Variants in PPP1R21 observed in about 807,000 individuals in gnomAD.
The protein encoded by PPP1R21 is protein phosphatase 1 regulatory subunit 21.
A neutral mutation model predicts 112.8 loss-of-function variants in PPP1R21; 85 were observed. That is an observed-to-expected ratio of 0.75 (90% CI 0.63 to 0.90). The LOEUF is 0.90. PPP1R21 is among the 40% of genes least tolerant of loss of function. The pLI, the probability that PPP1R21 is intolerant of heterozygous loss-of-function variation, is 0.00. For synonymous variants in PPP1R21, 381 were observed against 322.3 expected (o/e 1.18, Z -1.95); for missense variants, 1,199 against 901.5 (o/e 1.33, Z -4.23).
rs771311471 is a variant in PPP1R21, at chr2:48,495,790, T to C, written c.1692+19T>C. On this transcript the variant is annotated intron_variant, in intron 16 of 21. Coordinates refer to ENST00000294952, the MANE Select transcript of PPP1R21 (RefSeq NM_001135629.3). ...ACAGCAAGTATGGCACTGGGAAAAT[T>C]ATGGAAATTGTTAAAGAACAGAAAT... The C allele has an allele frequency of 1.4e-6, 2 of 1,392,748 alleles. No homozygotes were observed. Among genetic ancestry groups the C allele is most frequent in the African/African-American group, 2.8e-5 (2 of 70,634 alleles). 86.3% of individuals were successfully genotyped at this position (1,392,748 alleles called of 1,614,324 possible).
rs1035668651 is a variant in PPP1R21 at position 48,514,907 on chromosome 2, A to G, written c.*163A>G. The G allele has an allele frequency of 4.6e-5, 29 of 626,778 alleles. No homozygotes were observed. The highest frequency in any genetic ancestry group is 6.9e-5 in the Non-Finnish European group (25 of 362,704). 38.8% of individuals were successfully genotyped at this position (626,778 alleles called of 1,614,324 possible). Reference sequence around the variant, plus strand: ...GAAACGGCCTTGAAATATTTAAAACATATTTGTAACCAGTGAGGCAAATAC... The same window carrying G: ...GAAACGGCCTTGAAATATTTAAAACGTATTTGTAACCAGTGAGGCAAATAC... On this transcript the variant is annotated 3_prime_UTR_variant, in exon 22 of 22. Transcript: ENST00000294952.
chr2:48,496,654 G>C (rs1669854531), intron 16 of PPP1R21, among the ~76,000 whole-genome samples: 1 of 152,066 alleles, frequency 6.6e-6, no homozygotes, highest in Non-Finnish European at 1.5e-5. Flanking sequence ...TTTTAGTATA[G>C]ACAGGGTTTC....
Position 48,515,117 on chromosome 2 carries a change from T to C in PPP1R21, c.*373T>C, listed in dbSNP as rs189179566. On this transcript the variant is annotated 3_prime_UTR_variant, in exon 22 of 22. Transcript: ENST00000294952. The stretch of plus-strand genomic sequence containing the variant: ...CGATTTGGTATCTATGGAATAGATA[T>C]ATGTTTCTGGAAAAAAATGCTTAAA... The C allele has an allele frequency of 4.4e-5, 8 of 183,396 alleles. No individual in the cohort carries two copies. In the East Asian group the frequency reaches 5.6e-4, roughly 13 times the overall value. 11.4% of individuals were successfully genotyped at this position (183,396 alleles called of 1,614,324 possible). A position where few individuals can be genotyped will look rare whatever the true frequency, so the allele number is the denominator to read the frequency against.
chr2:48,478,397 A>G (rs1668851309), intron 12 of PPP1R21, among the ~76,000 whole-genome samples: 1 of 152,106 alleles, frequency 6.6e-6, no homozygotes, highest in Non-Finnish European at 1.5e-5. Flanking sequence ...TTAGCATGTA[A>G]GTTTTGTGCC....
chr2:48,464,907 GAC>G, intron 7 of PPP1R21, 28 bp from the exon 8 acceptor site: 1 of 1,535,054 alleles, frequency 6.5e-7, no homozygotes, highest in Non-Finnish European at 8.8e-7. Context: ...TGAAATGAGA[GAC>G]TTAATGTACA....
Position 48,493,761 on chromosome 2 carries a change from A to G in PPP1R21, c.1600-1918A>G, listed in dbSNP as rs566922922. Among the ~76,000 whole-genome samples, 44 of 152,216 alleles carry G rather than the reference A, an allele frequency of 2.9e-4. No individual in the cohort carries two copies. In the South Asian group the frequency reaches 4.6e-3, roughly 16 times the overall value. On this transcript the variant is annotated intron_variant, in intron 15 of 21. Transcript: ENST00000294952. Reference sequence around the variant, plus strand: ...TTTTCTCCATTCAGTTAGAAATGCAATATTTGCCACATAATAAATTTTTAT... The same window carrying G: ...TTTTCTCCATTCAGTTAGAAATGCAGTATTTGCCACATAATAAATTTTTAT...
chr2:48,503,814 G>C (rs376509809), intron 17 of PPP1R21, among the ~76,000 whole-genome samples: 1 of 151,816 alleles, frequency 6.6e-6, no homozygotes, highest in East Asian at 1.9e-4. Flanking sequence ...TTAGCTGGGC[G>C]TGGTGGTGGG....
At chr2:48,504,269 A>G (rs1670269163) in intron 17 of PPP1R21, among the ~76,000 whole-genome samples, 2 of 152,232 alleles carry the variant, frequency 1.3e-5, no homozygotes, top group Admixed American at 1.3e-4. Context: ...GGTGGGCATA[A>G]CATTCATTAG....
chr2:48,468,269 A>G (rs1031371151), intron 9 of PPP1R21, among the ~76,000 whole-genome samples: 1 of 152,248 alleles, frequency 6.6e-6, no homozygotes, highest in South Asian at 2.1e-4. Flanking sequence ...CTAGCACCCA[A>G]TAAAGATTAG....
chr2:48,505,613 A>G lies in PPP1R21; in HGVS notation c.1968+17A>G. 4 of 1,543,088 alleles carry G rather than the reference A, an allele frequency of 2.6e-6. No individual in the cohort carries two copies. Among genetic ancestry groups the G allele is most frequent in the South Asian group, 1.2e-5 (1 of 83,852 alleles). On this transcript the variant is annotated intron_variant, in intron 18 of 21. Transcript: ENST00000294952. ...GACAGTGAGGTAACATGTGCTTGTC[A>G]TCATGTTGTTTGTTAGTAAATATCT...
intron 14 of PPP1R21, among the ~76,000 whole-genome samples, chr2:48,487,754 C>T (rs1380002242): frequency 1.4e-5 from 2 of 145,082 alleles, no homozygotes; most frequent in African/African-American, 2.6e-5. Context: ...GAGCAAGACC[C>T]TATCTCAAAA....
In PPP1R21 at chr2:48,441,030, A is replaced by G. The variant is rs1253540052; in HGVS notation, c.57+20A>G. ...TCGAAGGTACCCATCGTGGTCTGGG[A>G]GTAGGGGGTCCCCCGCCCTGCGGCC... On this transcript the variant is annotated intron_variant, in intron 1 of 21. Coordinates refer to ENST00000294952, the MANE Select transcript of PPP1R21 (RefSeq NM_001135629.3). 7 of 1,572,828 alleles carry G rather than the reference A, an allele frequency of 4.5e-6. No homozygotes were observed. Among genetic ancestry groups the G allele is most frequent in the Non-Finnish European group, 6.1e-6 (7 of 1,144,444 alleles).
chr2:48,476,747 T>C (rs973153568), intron 12 of PPP1R21, among the ~76,000 whole-genome samples: 1 of 152,230 alleles, frequency 6.6e-6, no homozygotes, highest in East Asian at 1.9e-4. Context: ...GTATATCTTC[T>C]TGGAGAAATA....
Position 48,507,352 on chromosome 2 carries a change from G to A in PPP1R21, c.2052G>A (p.Leu684=). The A allele has an allele frequency of 6.3e-7, 1 of 1,596,716 alleles. No individual in the cohort carries two copies. ...RIVELTSQLQ[L]ADSKSVHFYA... ...TGGAACTTACGTCTCAGTTGCAGCT[G>A]GCTGACAGTAAGTCAGTGCATTTTT... Residue 684 remains leucine (L), a synonymous_variant, in exon 19 of 22, where the codon CTG becomes CTA. Coordinates refer to ENST00000294952, the MANE Select transcript of PPP1R21 (RefSeq NM_001135629.3).
chr2:48,453,708 A>G (rs1018259220), intron 2 of PPP1R21, among the ~76,000 whole-genome samples: 1 of 152,234 alleles, frequency 6.6e-6, no homozygotes, highest in African/African-American at 2.4e-5. Context: ...TTAGCAGAAT[A>G]TTTTAGATTT....
chr2:48,487,313 G>C (rs929141155), intron 14 of PPP1R21, among the ~76,000 whole-genome samples: 3 of 152,114 alleles, frequency 2.0e-5, no homozygotes, highest in African/African-American at 7.2e-5. Flanking sequence ...TAATACTTGT[G>C]ATAATACTAC....
intron 13 of PPP1R21, among the ~76,000 whole-genome samples, chr2:48,486,384 C>T (rs187286871): frequency 3.2e-4 from 48 of 152,174 alleles, no homozygotes; most frequent in African/African-American, 1.1e-3. Flanking sequence ...AATACTCCGA[C>T]GAGGAAATCT....
intron 11 of PPP1R21, among the ~76,000 whole-genome samples, chr2:48,472,610 A>C (rs2103856206): frequency 6.6e-6 from 1 of 151,650 alleles, no homozygotes; most frequent in South Asian, 2.1e-4. Flanking sequence ...TGGGCAACAG[A>C]GTGAGACTCC....
At chr2:48,448,893 C>G (rs959967313) in intron 1 of PPP1R21, among the ~76,000 whole-genome samples, 2 of 152,188 alleles carry the variant, frequency 1.3e-5, no homozygotes, top group Non-Finnish European at 2.9e-5. Context: ...CATTGTACCT[C>G]AAAAGCAACC....
Sources: allele counts gnomAD v4.1 joint callset (sites outside exome capture counted in the v4.1 genomes callset), GRCh38; gene constraint gnomAD v4.1.1; transcripts MANE v1.5; gene names NCBI Gene and HGNC (gene_info 2026-07-23, HGNC 2026-07-21).